TRIM16: variants seen among roughly 807,000 people sequenced by gnomAD.
The protein encoded by TRIM16 is tripartite motif containing 16.
TRIM16 carries 33 observed loss-of-function variants against 50.4 expected under a neutral mutation model. The ratio of observed to expected loss-of-function variants is 0.65; its 90% CI spans 0.50 to 0.88. TRIM16 has a LOEUF of 0.88. Ranked by LOEUF, TRIM16 falls within the 40% of genes least tolerant of loss-of-function variation. The pLI is 0.00. For missense variants in TRIM16, 581 were observed against 686.8 expected, an observed-to-expected ratio of 0.85 and a Z score of 1.72; for synonymous variants, 229 against 270.7, an observed-to-expected ratio of 0.85 and a Z score of 1.51.
chr17:15,640,508 G>A (rs1296053165), intron 8 of TRIM16, among the ~76,000 whole-genome samples: 1 of 147,842 alleles, frequency 6.8e-6, no homozygotes, highest in Non-Finnish European at 1.5e-5. Flanking sequence ...CGACCAAGAG[G>A]GAAAGAGGCC....
At chr17:15,661,179 G>T (rs1988220778) in intron 6 of TRIM16, among the ~76,000 whole-genome samples, 1 of 152,184 alleles carries the variant, frequency 6.6e-6, no homozygotes, top group Non-Finnish European at 1.5e-5. Flanking sequence ...CCTCTAAAAT[G>T]GGGATGTAGT....
chr17:15,655,129 T>G (rs1987912676), intron 6 of TRIM16, among the ~76,000 whole-genome samples: 1 of 152,214 alleles, frequency 6.6e-6, no homozygotes, highest in Non-Finnish European at 1.5e-5. Flanking sequence ...CAGACCATTG[T>G]CAGTGTTTTC....
chr17:15,667,400 AATT>A (rs1283044649), intron 6 of TRIM16, among the ~76,000 whole-genome samples: 7 of 152,236 alleles, frequency 4.6e-5, no homozygotes, highest in Admixed American at 2.6e-4. Context: ...CAACAGTAAA[AATT>A]ATTAATTTCA....
At chr17:15,643,147 T>TTAGAGCA (rs1987194025) in intron 7 of TRIM16, 1 of 1,076,014 alleles carries the variant, frequency 9.3e-7, no homozygotes, top group Non-Finnish European at 1.1e-6. Flanking sequence ...CCCAACAATC[T>TTAGAGCA]GAATGGATCC....
Position 15,641,784 on chromosome 17 carries a change from C to A in TRIM16, c.615+937G>T, listed in dbSNP as rs368067117. 6.1e-5 allele frequency among the ~76,000 whole-genome samples: 9 copies of A among 147,926 alleles called. No individual in the cohort carries two copies. In the East Asian group the frequency reaches 1.6e-3, roughly 27 times the overall value. ...TGGATGGATGGATGATGGATGGAAT[C>A]ATTTATTCTCAGGATATAAAGATGA... is the stretch of plus-strand genomic sequence containing the variant. On this transcript the variant is annotated intron_variant, in intron 8 of 11. Transcript: ENST00000649191.
At chr17:15,680,734 G>A in intron 4 of TRIM16, 131 bp downstream of exon 4, 16 of 985,928 alleles carry the variant, frequency 1.6e-5, no homozygotes, top group Non-Finnish European at 2.4e-5. Context: ...TGGCTAATGT[G>A]GTTGACAAGC....
At chr17:15,640,757 T>C (rs1350049021) in intron 8 of TRIM16, among the ~76,000 whole-genome samples, 1 of 148,566 alleles carries the variant, frequency 6.7e-6, no homozygotes, top group Non-Finnish European at 1.5e-5. Context: ...AGGCTCTGCA[T>C]TAGCTAACGT....
intron 9 of TRIM16, among the ~76,000 whole-genome samples, chr17:15,634,808 C>T (rs1042907083): frequency 6.7e-6 from 1 of 148,956 alleles, no homozygotes; most frequent in Non-Finnish European, 1.5e-5. Context: ...AAGACTCCAT[C>T]TCAAAAAACA....
chr17:15,677,801 G>A (rs1989010653), intron 4 of TRIM16, 80 bp from the exon 5 acceptor site: 1 of 966,950 alleles, frequency 1.0e-6, no homozygotes, highest in Middle Eastern at 5.3e-4. Context: ...TGTTCACAGT[G>A]TCAAAGACAA....
intron 6 of TRIM16, among the ~76,000 whole-genome samples, chr17:15,665,625 G>A (rs1247068439): frequency 1.3e-5 from 2 of 152,172 alleles, no homozygotes; most frequent in Non-Finnish European, 2.9e-5. Flanking sequence ...CCACATCTCA[G>A]TGGCCATTAC....
intron 7 of TRIM16, 142 bp downstream of exon 7, chr17:15,650,949 G>T: frequency 8.3e-7 from 1 of 1,209,180 alleles, no homozygotes; most frequent in Non-Finnish European, 1.1e-6. Flanking sequence ...CACTGACCCA[G>T]CAGGCAGACG....
chr17:15,631,471 T>A (rs1040900503), intron 11 of TRIM16, 148 bp downstream of exon 11: 1 of 701,990 alleles, frequency 1.4e-6, no homozygotes, highest in African/African-American at 1.8e-5. Flanking sequence ...AAAAAAATTG[T>A]TTAAATTAAA....
intron 6 of TRIM16, among the ~76,000 whole-genome samples, chr17:15,662,530 G>A (rs745592318): frequency 2.3e-4 from 35 of 152,248 alleles, no homozygotes; most frequent in Non-Finnish European, 2.1e-4. Flanking sequence ...CATCTTTCCT[G>A]TAGTTGGACC....
At chr17:15,649,616 A>G (rs1016825098) in intron 7 of TRIM16, among the ~76,000 whole-genome samples, 1 of 152,186 alleles carries the variant, frequency 6.6e-6, no homozygotes, top group Non-Finnish European at 1.5e-5. Flanking sequence ...ATCTTCATGC[A>G]TCACTTTTCC....
At chr17:15,655,845 A>G (rs1987952366) in intron 6 of TRIM16, among the ~76,000 whole-genome samples, 1 of 152,182 alleles carries the variant, frequency 6.6e-6, no homozygotes, top group Non-Finnish European at 1.5e-5. Flanking sequence ...AAGTGCTGGG[A>G]GTACAGGTGT....
At chr17:15,661,109 C>T (rs1254938998) in intron 6 of TRIM16, among the ~76,000 whole-genome samples, 2 of 152,116 alleles carry the variant, frequency 1.3e-5, no homozygotes, top group Non-Finnish European at 2.9e-5. Context: ...GAGTCCTGAT[C>T]CCAGCACCTT....
chr17:15,664,603 G>A (rs1176366298), intron 6 of TRIM16, among the ~76,000 whole-genome samples: 2 of 152,174 alleles, frequency 1.3e-5, no homozygotes, highest in Non-Finnish European at 2.9e-5. Context: ...TTCCCAGCAG[G>A]ATCCATCAAC....
At chr17:15,671,268 C>T (rs1988719599) in intron 6 of TRIM16, among the ~76,000 whole-genome samples, 2 of 147,542 alleles carry the variant, frequency 1.4e-5, no homozygotes, top group African/African-American at 5.1e-5. Context: ...CTTGAATTTG[C>T]CCATAAAATA....
rs188487781 is a variant in TRIM16 at position 15,656,018 on chromosome 17, C to T, written c.-337-4072G>A. 3.9e-3 allele frequency among the ~76,000 whole-genome samples: 600 copies of T among 152,240 alleles called. 2 individuals are homozygous for T. The highest frequency in any genetic ancestry group is 0.034 in the Middle Eastern group (10 of 294). ...GTGCATGTCCGAGCTCAATGGGAGACGGCATCATGCTCAGGTTGGGATATT... is the reference window on the plus strand; with the variant it reads ...GTGCATGTCCGAGCTCAATGGGAGATGGCATCATGCTCAGGTTGGGATATT... On this transcript the variant is annotated intron_variant, in intron 6 of 11. Transcript: ENST00000649191.
Sources: gnomAD v4.1 joint callset for allele counts (sites outside exome capture counted in the v4.1 genomes callset) on GRCh38, gnomAD v4.1.1 for gene constraint, MANE v1.5 for transcripts, NCBI Gene and HGNC (gene_info 2026-07-23, HGNC 2026-07-21) for gene names.